CREB3L2: variants seen among roughly 807,000 people sequenced by gnomAD.
CREB3L2 encodes the protein cyclic AMP-responsive element-binding protein 3-like protein 2.
In CREB3L2, 23 loss-of-function variants were observed where a neutral mutation model predicts 57.2. The ratio of observed to expected loss-of-function variants is 0.40; its 90% CI spans 0.29 to 0.57. The LOEUF is 0.57. Among genes scored for constraint, CREB3L2 ranks in the 20% least tolerant of loss-of-function variants. The pLI is 0.42. For missense variants in CREB3L2, 628 were observed against 634.7 expected (o/e 0.99, Z 0.11); for synonymous variants, 268 against 265.1 (o/e 1.01, Z -0.11).
At chr7:137,910,481 T>C (rs1412276047) in intron 4 of CREB3L2, among the ~76,000 whole-genome samples, 1 of 152,136 alleles carries the variant, frequency 6.6e-6, no homozygotes, top group African/African-American at 2.4e-5. Context: ...ATGCAGGTGC[T>C]TGGCTAAGAG....
Position 137,877,937 on chromosome 7 carries a change from T to C in CREB3L2, c.*2539A>G, listed in dbSNP as rs1799194677. On this transcript the variant is annotated 3_prime_UTR_variant, in exon 12 of 12. Transcript: ENST00000330387. ...CATTTTGTCCTCCTAAAGGGACAAC[T>C]GTTAGTTCCTTTAACCCACTCAAGC... 4.4e-6 allele frequency: 1 copy of C among 227,834 alleles called. No homozygotes were observed. Among genetic ancestry groups the C allele is most frequent in the African/African-American group, 2.2e-5 (1 of 44,982 alleles). The allele number at this position is 227,834 out of a possible 1,614,324, so 14.1% of individuals were successfully genotyped here.
chr7:137,992,948 G>A (rs931382337), intron 1 of CREB3L2, among the ~76,000 whole-genome samples: 6 of 152,348 alleles, frequency 3.9e-5, no homozygotes, highest in African/African-American at 1.4e-4. Flanking sequence ...CATGGCTGGT[G>A]ACCACGCACT....
chr7:137,953,500 C>A, intron 1 of CREB3L2: 2 of 1,289,122 alleles, frequency 1.6e-6, no homozygotes, highest in Middle Eastern at 2.1e-4. Context: ...CCATCCCCAA[C>A]ACACGACTCT....
chr7:137,953,801 T>C (rs1447373450), intron 1 of CREB3L2, among the ~76,000 whole-genome samples: 2 of 152,078 alleles, frequency 1.3e-5, no homozygotes, highest in Non-Finnish European at 1.5e-5. Context: ...GGCAGCTAGA[T>C]AACCAAGAGA....
rs1173291585 is a variant in CREB3L2 at position 137,995,849 on chromosome 7, G to A, written c.102+5755C>T. ...ACTCAGGGATCATTCGAGAAGGAGG[G>A]CAAATATAAAACTCTGTACTGCCCT... is the stretch of plus-strand genomic sequence containing the variant. On this transcript the variant is annotated intron_variant, in intron 1 of 11. Transcript: ENST00000330387. Among the ~76,000 whole-genome samples, 5 of 152,288 alleles carry A rather than the reference G, an allele frequency of 3.3e-5. No individual in the cohort carries two copies. In the East Asian group the frequency reaches 9.6e-4, roughly 29 times the overall value.
Position 137,875,246 on chromosome 7 carries a change from CA to C in CREB3L2, c.*5229del. ...AGCAAAACCTAACTGTCAGCATAGA[CA>C]TTAAAGCTCACCGTTGATTATAGCT... On this transcript the variant is annotated 3_prime_UTR_variant, in exon 12 of 12. Coordinates refer to ENST00000330387, the MANE Select transcript of CREB3L2 (RefSeq NM_194071.4). The C allele has an allele frequency of 4.6e-6, 1 of 218,962 alleles. No individual in the cohort carries two copies. The highest frequency in any genetic ancestry group is 6.8e-5 in the East Asian group (1 of 14,796). The allele number at this position is 218,962 out of a possible 1,614,324, so 13.6% of individuals were successfully genotyped here. A position where few individuals can be genotyped will look rare whatever the true frequency, so the allele number is the denominator to read the frequency against.
chr7:137,952,827 T>C (rs183123767), intron 1 of CREB3L2, among the ~76,000 whole-genome samples: 41 of 152,306 alleles, frequency 2.7e-4, no homozygotes, highest in Non-Finnish European at 5.3e-4. Context: ...TTGTTTTTTT[T>C]AGACGGGGTC....
At chr7:137,989,409 G>A (rs1481254597) in intron 1 of CREB3L2, among the ~76,000 whole-genome samples, 2 of 149,396 alleles carry the variant, frequency 1.3e-5, no homozygotes, top group African/African-American at 4.9e-5. Flanking sequence ...AGCCTATGAT[G>A]GAATTTTCCT....
chr7:137,996,177 T>G (rs1476968584), intron 1 of CREB3L2, among the ~76,000 whole-genome samples: 1 of 152,238 alleles, frequency 6.6e-6, no homozygotes, highest in Non-Finnish European at 1.5e-5. Context: ...GAAGTAATTA[T>G]TGTTAAATAT....
intron 1 of CREB3L2, among the ~76,000 whole-genome samples, chr7:137,941,110 T>G (rs1800874135): frequency 6.6e-6 from 1 of 152,212 alleles, no homozygotes; most frequent in Non-Finnish European, 1.5e-5. Context: ...GAAACCCTTG[T>G]GTTATGCACC....
rs138009762 is a variant in CREB3L2, at chr7:137,998,527, T to C, written c.102+3077A>G. 5.3e-4 allele frequency among the ~76,000 whole-genome samples: 80 copies of C among 152,350 alleles called. 1 individual carries two copies. The highest frequency in any genetic ancestry group is 1.2e-3 in the Admixed American group (19 of 15,302). On this transcript the variant is annotated intron_variant, in intron 1 of 11. Transcript: ENST00000330387. Reference sequence around the variant, plus strand: ...AGGATTCTTCACTCAGACAGCCTGATAGGCAAGTACTTGCAGGCAGGCAAA... The same window carrying C: ...AGGATTCTTCACTCAGACAGCCTGACAGGCAAGTACTTGCAGGCAGGCAAA...
At chr7:137,905,510 G>A (rs1168083526) in intron 6 of CREB3L2, among the ~76,000 whole-genome samples, 192 bp downstream of exon 6, 2 of 151,990 alleles carry the variant, frequency 1.3e-5, no homozygotes, top group East Asian at 3.9e-4. Flanking sequence ...CCTCAAGAGG[G>A]ATGGGATGGG....
chr7:137,909,287 C>G (rs1274486636), intron 4 of CREB3L2, among the ~76,000 whole-genome samples: 1 of 152,110 alleles, frequency 6.6e-6, no homozygotes, highest in African/African-American at 2.4e-5. Flanking sequence ...TAAAGTCTCC[C>G]GCGTCTTTCC....
At chr7:137,962,498 C>G (rs1801339972) in intron 1 of CREB3L2, among the ~76,000 whole-genome samples, 1 of 152,060 alleles carries the variant, frequency 6.6e-6, no homozygotes, top group South Asian at 2.1e-4. Context: ...GGCACACTTG[C>G]CTCTCCCAGC....
At chr7:137,958,213 C>T (rs796887096) in intron 1 of CREB3L2, among the ~76,000 whole-genome samples, 4 of 152,086 alleles carry the variant, frequency 2.6e-5, no homozygotes, top group Non-Finnish European at 5.9e-5. Flanking sequence ...CAAGGCTATG[C>T]GTAACAAACT....
At chr7:137,882,280 G>C (rs1799309457) in intron 11 of CREB3L2, 132 bp downstream of exon 11, 1 of 650,382 alleles carries the variant, frequency 1.5e-6, no homozygotes, top group Non-Finnish European at 2.7e-6. Context: ...CCCAGGTCCT[G>C]GAAATAGGTC....
chr7:137,908,266 G>GGA lies in CREB3L2; in HGVS notation c.752_753dup (p.Leu252SerfsTer16). On this transcript the variant is annotated frameshift_variant, in exon 5 of 12. Coordinates refer to ENST00000330387, the MANE Select transcript of CREB3L2 (RefSeq NM_194071.4). LOFTEE classifies it high-confidence loss of function. ...TGCATACTTACATGAGGAGCCGTGA[G>GGA]GAGAGGGGAGCTGGAGAGGGCGGAG... 7.9e-7 allele frequency: 1 copy of GGA among 1,259,026 alleles called. No individual in the cohort carries two copies. Among genetic ancestry groups the GGA allele is most frequent in the Admixed American group, 4.2e-5 (1 of 23,906 alleles). The allele number at this position is 1,259,026 out of a possible 1,614,324, so 78.0% of individuals were successfully genotyped here.
intron 2 of CREB3L2, among the ~76,000 whole-genome samples, chr7:137,921,999 C>A (rs1280378467): frequency 6.6e-6 from 1 of 151,098 alleles, no homozygotes; most frequent in Non-Finnish European, 1.5e-5. Context: ...TGGTCTCAAA[C>A]TCCTGGGCTC....
At position 137,880,838 on chromosome 7, in the gene CREB3L2, T is replaced by A. The variant is rs1048813015; in HGVS notation, c.1488-287A>T. On this transcript the variant is annotated intron_variant, in intron 11 of 11. Coordinates refer to ENST00000330387, the MANE Select transcript of CREB3L2 (RefSeq NM_194071.4). The surrounding 1 kb of genome is among the most constrained non-coding windows in gnomAD (Gnocchi z 4.0). ...TTGATCTGCTATGAGATGCATTAAA[T>A]TATTCTATTTACTTAGGATGTTTAG... Among the ~76,000 whole-genome samples, 19 of 152,320 alleles carry A rather than the reference T, an allele frequency of 1.2e-4. No homozygotes were observed. The highest frequency in any genetic ancestry group is 4.6e-4 in the African/African-American group (19 of 41,560).
Sources: allele counts gnomAD v4.1 joint callset (sites outside exome capture counted in the v4.1 genomes callset), GRCh38; gene constraint gnomAD v4.1.1; non-coding constraint Gnocchi (gnomAD v3.1); transcripts MANE v1.5; gene names NCBI Gene and HGNC (gene_info 2026-07-23, HGNC 2026-07-21).